NEGR1: variants seen among roughly 807,000 people sequenced by gnomAD.
The protein encoded by NEGR1 is IgLON family member 4.
NEGR1 carries 10 observed loss-of-function variants against 40.9 expected under a neutral mutation model. The ratio of observed to expected loss-of-function variants is 0.24; its 90% CI spans 0.15 to 0.42. The LOEUF (loss-of-function observed/expected upper bound fraction) is 0.42, where lower values mean the gene tolerates loss of function less well. NEGR1 is among the 10% of genes least tolerant of loss of function. The pLI, the probability that NEGR1 is intolerant of heterozygous loss-of-function variation, is 1.00. For missense variants in NEGR1, 352 were observed against 438.9 expected (o/e 0.80, Z 1.77); for synonymous variants, 185 against 166.8 (o/e 1.11, Z -0.84).
intron 4 of NEGR1, among the ~76,000 whole-genome samples, chr1:71,674,001 T>C (rs1430872282): frequency 6.6e-6 from 1 of 152,148 alleles, no homozygotes; most frequent in Non-Finnish European, 1.5e-5. Flanking sequence ...AATATAAGAA[T>C]ACAACTGTTG....
At chr1:71,549,424 T>C (rs1026669498) in intron 6 of NEGR1, among the ~76,000 whole-genome samples, 5 of 151,804 alleles carry the variant, frequency 3.3e-5, no homozygotes, top group Non-Finnish European at 4.4e-5. Flanking sequence ...AGCCCCACGA[T>C]CAAAATTGCT....
intron 1 of NEGR1, among the ~76,000 whole-genome samples, chr1:72,142,611 C>A (rs1190294357): frequency 6.6e-6 from 1 of 151,604 alleles, no homozygotes; most frequent in African/African-American, 2.4e-5. Flanking sequence ...TATAAACATA[C>A]CCTCATATAT....
At chr1:72,153,250 C>A (rs1651191867) in intron 1 of NEGR1, among the ~76,000 whole-genome samples, 1 of 151,826 alleles carries the variant, frequency 6.6e-6, no homozygotes, top group Admixed American at 6.6e-5. Flanking sequence ...ATCAATTATG[C>A]CCACAGATGG....
chr1:71,622,498 C>G (rs978328641), intron 4 of NEGR1, among the ~76,000 whole-genome samples: 3 of 151,782 alleles, frequency 2.0e-5, no homozygotes, highest in Non-Finnish European at 4.4e-5. Flanking sequence ...TAGAAACGTG[C>G]AGACTCTTTA....
intron 1 of NEGR1, among the ~76,000 whole-genome samples, chr1:72,255,473 T>C (rs1488331744): frequency 2.6e-5 from 4 of 152,094 alleles, no homozygotes; most frequent in African/African-American, 9.7e-5. Flanking sequence ...TGGGTGTTGA[T>C]ATACTCTGAC....
chr1:71,497,955 G>T (rs1646975948), intron 6 of NEGR1, among the ~76,000 whole-genome samples: 3 of 151,934 alleles, frequency 2.0e-5, no homozygotes, highest in Admixed American at 2.0e-4. Context: ...TTTTTCCATT[G>T]CAGAAACAAA....
chr1:71,954,539 A>T (rs901774607), intron 1 of NEGR1, among the ~76,000 whole-genome samples: 5 of 152,006 alleles, frequency 3.3e-5, no homozygotes, highest in Admixed American at 6.6e-5. Context: ...TATACCTGAA[A>T]AAAAGGAGGC....
intron 6 of NEGR1, among the ~76,000 whole-genome samples, chr1:71,577,305 A>G (rs1236706593): frequency 6.6e-6 from 1 of 152,214 alleles, no homozygotes; most frequent in Non-Finnish European, 1.5e-5. Flanking sequence ...CCTTTGTTTT[A>G]GACATTAAGA....
chr1:71,567,345 T>C (rs1322076483), intron 6 of NEGR1, among the ~76,000 whole-genome samples: 1 of 152,136 alleles, frequency 6.6e-6, no homozygotes, highest in Non-Finnish European at 1.5e-5. Flanking sequence ...AGCTGAGTAT[T>C]AGAAAAATGT....
intron 2 of NEGR1, among the ~76,000 whole-genome samples, chr1:71,817,118 T>C (rs1424316820): frequency 6.6e-6 from 1 of 152,068 alleles, no homozygotes; most frequent in Non-Finnish European, 1.5e-5. Context: ...GCACGGTTTC[T>C]GCATCTGAAG....
intron 1 of NEGR1, among the ~76,000 whole-genome samples, chr1:72,136,597 C>A (rs1271539579): frequency 3.0e-5 from 4 of 132,424 alleles, no homozygotes; most frequent in Admixed American, 1.5e-4. Flanking sequence ...TCTTAGCCAG[C>A]AAAAAAAATG....
At chr1:71,640,646 T>G (rs532168004) in intron 4 of NEGR1, among the ~76,000 whole-genome samples, 1 of 152,116 alleles carries the variant, frequency 6.6e-6, no homozygotes, top group South Asian at 2.1e-4. Context: ...CTAGAGGAAA[T>G]TATCTCAACA....
intron 6 of NEGR1, among the ~76,000 whole-genome samples, chr1:71,491,068 T>A (rs1646924453): frequency 6.6e-6 from 1 of 151,972 alleles, no homozygotes; most frequent in Non-Finnish European, 1.5e-5. Flanking sequence ...CCCTTCATAT[T>A]CTTGGGTTCT....
chr1:72,274,322 C>T (rs1655963328), intron 1 of NEGR1, among the ~76,000 whole-genome samples: 1 of 151,992 alleles, frequency 6.6e-6, no homozygotes. Context: ...TGGGCCCTGC[C>T]ATAACATTTG....
intron 2 of NEGR1, among the ~76,000 whole-genome samples, chr1:71,874,737 T>C (rs578062955): frequency 1.6e-4 from 24 of 152,338 alleles, no homozygotes; most frequent in Admixed American, 1.3e-4. Context: ...AAAGATAGTT[T>C]ACACTAAGAC....
chr1:71,960,159 A>G (rs1451221836), intron 1 of NEGR1, among the ~76,000 whole-genome samples: 2 of 152,212 alleles, frequency 1.3e-5, no homozygotes, highest in Admixed American at 6.5e-5. Flanking sequence ...AAAATGGACT[A>G]TAAAACATTT....
At chr1:71,858,532 G>A (rs927904446) in intron 2 of NEGR1, among the ~76,000 whole-genome samples, 2 of 151,968 alleles carry the variant, frequency 1.3e-5, no homozygotes, top group Non-Finnish European at 2.9e-5. Flanking sequence ...ATTTCTCAGT[G>A]ATAATTGAAG....
intron 2 of NEGR1, among the ~76,000 whole-genome samples, chr1:71,791,080 A>G (rs1168707608): frequency 6.6e-6 from 1 of 152,078 alleles, no homozygotes. Context: ...TTTCACATAT[A>G]GTTTTTCCCT....
At chr1:71,913,585 A>G (rs2101875415) in intron 2 of NEGR1, among the ~76,000 whole-genome samples, 1 of 152,354 alleles carries the variant, frequency 6.6e-6, no homozygotes, top group South Asian at 2.1e-4. Flanking sequence ...ATGAGGAAAT[A>G]TGTTAATACT....
Sources: gnomAD v4.1 joint callset for allele counts (sites outside exome capture counted in the v4.1 genomes callset) on GRCh38, gnomAD v4.1.1 for gene constraint, MANE v1.5 for transcripts, NCBI Gene and HGNC (gene_info 2026-07-23, HGNC 2026-07-21) for gene names.